CTNNA3: variants seen among roughly 807,000 people sequenced by gnomAD.
CTNNA3 encodes catenin alpha 3.
CTNNA3 carries 76 observed loss-of-function variants against 95.7 expected under a neutral mutation model. The observed-to-expected ratio is 0.79, with a 90% CI of 0.66 to 0.96. The LOEUF (loss-of-function observed/expected upper bound fraction) is 0.96, where lower values mean the gene tolerates loss of function less well. CTNNA3 is among the 40% of genes least tolerant of loss of function. The probability of loss-of-function intolerance (pLI) is 0.00; values close to 1 mark genes in which losing one functional copy is unlikely to be tolerated. For synonymous variants in CTNNA3, 431 were observed against 374.4 expected (o/e 1.15, Z -1.74); for missense variants, 1,191 against 1,089.8 (o/e 1.09, Z -1.31).
At chr10:66,928,373 C>T in intron 7 of CTNNA3, 1 of 1,614,138 alleles carries the variant, frequency 6.2e-7, no homozygotes, top group Non-Finnish European at 8.5e-7. Flanking sequence ...TATAAACCCA[C>T]CAACACGGAG....
intron 5 of CTNNA3, among the ~76,000 whole-genome samples, chr10:67,223,989 T>C (rs934974354): frequency 1.3e-5 from 2 of 148,676 alleles, no homozygotes; most frequent in African/African-American, 2.5e-5. Flanking sequence ...AGATTCAAGG[T>C]GTACTATATG....
At chr10:65,965,366 C>G (rs1035922057) in intron 17 of CTNNA3, among the ~76,000 whole-genome samples, 2 of 144,654 alleles carry the variant, frequency 1.4e-5, no homozygotes, top group African/African-American at 2.6e-5. Context: ...AAGACATAGA[C>G]AGTCACTATT....
At chr10:67,194,425 T>A (rs1564961654) in intron 6 of CTNNA3, among the ~76,000 whole-genome samples, 2 of 151,968 alleles carry the variant, frequency 1.3e-5, no homozygotes, top group Non-Finnish European at 2.9e-5. Flanking sequence ...TAGAGGAAAC[T>A]TAAATGCATA....
In CTNNA3 at chr10:66,549,028, G is replaced by C. The variant is rs183000616; in HGVS notation, c.1375-28255C>G. 4.5e-3 allele frequency among the ~76,000 whole-genome samples: 476 copies of C among 105,298 alleles called. 5 individuals are homozygous for C. The highest frequency in any genetic ancestry group is 0.017 in the African/African-American group (462 of 26,970). 69.1% of individuals were successfully genotyped at this position (105,298 alleles called of 152,430 possible). ...GTTTGAGACGGAGTCTTGCTCTGTTGCCCAGCCTGGAGCACAGTGGCGCAA... is the reference window on the plus strand; with the variant it reads ...GTTTGAGACGGAGTCTTGCTCTGTTCCCCAGCCTGGAGCACAGTGGCGCAA... On this transcript the variant is annotated intron_variant, in intron 10 of 17. Coordinates refer to ENST00000433211, the MANE Select transcript of CTNNA3 (RefSeq NM_013266.4).
intron 10 of CTNNA3, among the ~76,000 whole-genome samples, chr10:66,562,964 T>C (rs1447259916): frequency 6.6e-6 from 1 of 152,076 alleles, no homozygotes; most frequent in Non-Finnish European, 1.5e-5. Flanking sequence ...TGAAAATATG[T>C]AATATAAGCC....
chr10:67,366,845 T>G (rs1843238391), intron 5 of CTNNA3, among the ~76,000 whole-genome samples: 1 of 152,064 alleles, frequency 6.6e-6, no homozygotes, highest in South Asian at 2.1e-4. Context: ...TACCTCTAAC[T>G]ACATACAAAC....
At chr10:66,507,142 G>GC (rs1840476427) in intron 11 of CTNNA3, among the ~76,000 whole-genome samples, 1 of 152,022 alleles carries the variant, frequency 6.6e-6, no homozygotes, top group African/African-American at 2.4e-5. Context: ...GAAGCCAAAG[G>GC]TCATGCTCAC....
intron 6 of CTNNA3, among the ~76,000 whole-genome samples, chr10:67,215,722 T>C (rs1353060507): frequency 1.3e-5 from 2 of 152,164 alleles, no homozygotes; most frequent in African/African-American, 4.8e-5. Context: ...GTTAGTGTTA[T>C]TTTCATTTCT....
intron 10 of CTNNA3, among the ~76,000 whole-genome samples, chr10:66,569,294 C>T (rs1284276899): frequency 6.6e-6 from 1 of 152,142 alleles, no homozygotes; most frequent in African/African-American, 2.4e-5. Flanking sequence ...CCTTACCCTC[C>T]TCTATTTTCT....
At chr10:67,283,795 CAG>C (rs528206747) in intron 5 of CTNNA3, among the ~76,000 whole-genome samples, 11 of 152,302 alleles carry the variant, frequency 7.2e-5, no homozygotes, top group Admixed American at 6.5e-4. Context: ...ATTCTTTCTT[CAG>C]AGGAGGCAAG....
At chr10:65,927,516 T>C (rs1221757687) in intron 17 of CTNNA3, among the ~76,000 whole-genome samples, 2 of 152,212 alleles carry the variant, frequency 1.3e-5, no homozygotes, top group Non-Finnish European at 2.9e-5. Flanking sequence ...ACAGATTAGA[T>C]GTATATTTTC....
At position 66,937,328 on chromosome 10, in the gene CTNNA3, AT is replaced by A. The variant is rs530440530; in HGVS notation, c.1048-161805del. On this transcript the variant is annotated intron_variant, in intron 7 of 17. Coordinates refer to ENST00000433211, the MANE Select transcript of CTNNA3 (RefSeq NM_013266.4). ...GGCAAAGAATCAGCATTTGTTAAAT[AT>A]TTTTCCTGGTACATTTCATATATAA... Among the ~76,000 whole-genome samples, 52 of 152,204 alleles carry A rather than the reference AT, an allele frequency of 3.4e-4. No individual in the cohort carries two copies. The East Asian group carries it at 8.9e-3, about 26-fold the overall frequency.
At chr10:66,344,994 A>C (rs2092492915) in intron 12 of CTNNA3, among the ~76,000 whole-genome samples, 1 of 152,110 alleles carries the variant, frequency 6.6e-6, no homozygotes, top group Non-Finnish European at 1.5e-5. Context: ...AAACATATTA[A>C]AAAGCTAAGC....
At chr10:67,165,453 T>C (rs576907869) in intron 7 of CTNNA3, among the ~76,000 whole-genome samples, 6 of 152,296 alleles carry the variant, frequency 3.9e-5, no homozygotes, top group Admixed American at 2.0e-4. Flanking sequence ...ATCGTTTTTG[T>C]GTTGGTGATT....
chr10:66,020,707 G>C (rs968012585), intron 15 of CTNNA3, among the ~76,000 whole-genome samples: 11 of 140,196 alleles, frequency 7.8e-5, no homozygotes, highest in Admixed American at 1.5e-4. Flanking sequence ...TCACTCTGTC[G>C]TCCAGGCTGG....
At chr10:66,263,213 A>G (rs904384624) in intron 13 of CTNNA3, among the ~76,000 whole-genome samples, 1 of 152,016 alleles carries the variant, frequency 6.6e-6, no homozygotes, top group Non-Finnish European at 1.5e-5. Flanking sequence ...ATATTGGAAC[A>G]AAGCAAGTCT....
chr10:67,319,950 T>C (rs1841238140), intron 5 of CTNNA3, among the ~76,000 whole-genome samples: 1 of 151,974 alleles, frequency 6.6e-6, no homozygotes, highest in African/African-American at 2.4e-5. Flanking sequence ...CTGAACTAGT[T>C]TCTCTTCCTG....
At chr10:67,007,529 C>T (rs1428568183) in intron 7 of CTNNA3, among the ~76,000 whole-genome samples, 1 of 151,722 alleles carries the variant, frequency 6.6e-6, no homozygotes, top group Admixed American at 6.6e-5. Context: ...GCCACTGAAA[C>T]TTTAATTAGG....
At chr10:66,690,464 AT>A (rs1405223858) in intron 9 of CTNNA3, among the ~76,000 whole-genome samples, 1 of 151,224 alleles carries the variant, frequency 6.6e-6, no homozygotes, top group Non-Finnish European at 1.5e-5. Context: ...TCCTAATGCT[AT>A]CCCTCCCCCG....
Sources: allele counts gnomAD v4.1 joint callset (sites outside exome capture counted in the v4.1 genomes callset), GRCh38; gene constraint gnomAD v4.1.1; transcripts MANE v1.5; gene names NCBI Gene and HGNC (gene_info 2026-07-23, HGNC 2026-07-21).